Variants in SRPX observed in about 807,000 individuals in gnomAD.
SRPX encodes sushi repeat-containing protein SRPX.
A neutral mutation model predicts 38.1 loss-of-function variants in SRPX; 24 were observed. The ratio of observed to expected loss-of-function variants is 0.63; its 90% CI spans 0.46 to 0.89. The LOEUF (loss-of-function observed/expected upper bound fraction) is 0.89. Ranked by LOEUF, SRPX falls within the 40% of genes least tolerant of loss-of-function variation. The pLI is 0.00. For synonymous variants in SRPX, 184 were observed against 153.8 expected, an observed-to-expected ratio of 1.20 and a Z score of -1.45; for missense variants, 416 against 377.8, an observed-to-expected ratio of 1.10 and a Z score of -0.84.
intron 1 of SRPX, among the ~76,000 whole-genome samples, chrX:38,206,756 T>C (rs1047425928): frequency 6.2e-5 from 7 of 112,149 alleles, no homozygotes; most frequent in Admixed American, 1.9e-4. Flanking sequence ...TGTGAGTCAC[T>C]GTTGTGGGCA....
intron 1 of SRPX, among the ~76,000 whole-genome samples, chrX:38,184,507 T>C (rs1014127495): frequency 1.8e-5 from 2 of 111,957 alleles, no homozygotes; most frequent in Non-Finnish European, 3.8e-5. Flanking sequence ...CTGAGGATCA[T>C]GGCCTACTAC....
chrX:38,209,782 C>T (rs761562869), intron 1 of SRPX, among the ~76,000 whole-genome samples: 2 of 112,445 alleles, frequency 1.8e-5, no homozygotes, highest in Non-Finnish European at 3.8e-5. Flanking sequence ...TTTTAAAGAA[C>T]ACATGTTGGC....
intron 4 of SRPX, among the ~76,000 whole-genome samples, chrX:38,169,024 T>G (rs1938416878): frequency 8.9e-6 from 1 of 111,751 alleles, no homozygotes; most frequent in Non-Finnish European, 1.9e-5. Context: ...AAAGTCAACA[T>G]CTTCACAAGA....
At chrX:38,151,448 A>C (rs1056884000) in intron 9 of SRPX, among the ~76,000 whole-genome samples, 4 of 111,784 alleles carry the variant, frequency 3.6e-5, no homozygotes, top group African/African-American at 1.3e-4. Context: ...CCTGTGGGAA[A>C]GGGTGACCAA....
intron 1 of SRPX, among the ~76,000 whole-genome samples, chrX:38,213,118 T>C (rs911938048): frequency 2.2e-5 from 2 of 90,671 alleles, no homozygotes; most frequent in East Asian, 5.6e-4. Flanking sequence ...AAACACAAAA[T>C]GATAAATACT....
intron 1 of SRPX, among the ~76,000 whole-genome samples, chrX:38,179,551 C>T: frequency 8.9e-6 from 1 of 111,835 alleles, no homozygotes; most frequent in South Asian, 3.8e-4. Context: ...CAGACAAGAA[C>T]ATCCTCCACT....
At chrX:38,179,770 A>G (rs1284272338) in intron 1 of SRPX, among the ~76,000 whole-genome samples, 4 of 111,703 alleles carry the variant, frequency 3.6e-5, no homozygotes, top group African/African-American at 1.3e-4. Context: ...GCACACCCAG[A>G]TGTGTACAAA....
chrX:38,161,726 T>C (rs1013151356), intron 5 of SRPX, among the ~76,000 whole-genome samples: 12 of 112,157 alleles, frequency 1.1e-4, no homozygotes, highest in African/African-American at 3.2e-4. Context: ...GTATTATCTC[T>C]GATTCACAGA....
chrX:38,162,737 C>G (rs1327590780), intron 5 of SRPX, among the ~76,000 whole-genome samples: 1 of 112,555 alleles, frequency 8.9e-6, no homozygotes, highest in Non-Finnish European at 1.9e-5. Context: ...TCACTTGAAC[C>G]TGGGAGGCGG....
intron 9 of SRPX, among the ~76,000 whole-genome samples, chrX:38,152,461 G>A (rs1938034836): frequency 3.6e-5 from 4 of 112,159 alleles, no homozygotes; most frequent in Admixed American, 1.9e-4. Context: ...GGGAGCTCAC[G>A]AGAAATGCAA....
chrX:38,153,659 G>C (rs1489922903), intron 9 of SRPX, among the ~76,000 whole-genome samples: 1 of 111,136 alleles, frequency 9.0e-6, no homozygotes, highest in East Asian at 2.8e-4. Flanking sequence ...GCAAGGTGTG[G>C]CACCTCCAAC....
chrX:38,201,372 A>G (rs1180724276), intron 1 of SRPX, among the ~76,000 whole-genome samples: 1 of 111,001 alleles, frequency 9.0e-6, no homozygotes, highest in Non-Finnish European at 1.9e-5. Context: ...CATGAAAAGG[A>G]TAATGTAATG....
chrX:38,183,735 C>T (rs1446866971), intron 1 of SRPX, among the ~76,000 whole-genome samples: 2 of 111,799 alleles, frequency 1.8e-5, no homozygotes, highest in Admixed American at 1.9e-4. Context: ...TTTATTATGA[C>T]ATAACTATTA....
intron 9 of SRPX, among the ~76,000 whole-genome samples, chrX:38,151,996 C>T (rs1487569613): frequency 4.5e-5 from 5 of 111,316 alleles, no homozygotes; most frequent in African/African-American, 1.6e-4. Context: ...ACCCCAGGCA[C>T]CCAGTCTCTT....
chrX:38,192,698 G>A (rs1938929410), intron 1 of SRPX, among the ~76,000 whole-genome samples: 1 of 112,333 alleles, frequency 8.9e-6, no homozygotes, highest in Non-Finnish European at 1.9e-5. Context: ...AGGCATGTTG[G>A]CCCCTTCCCA....
chrX:38,208,152 G>A (rs866901342), intron 1 of SRPX, among the ~76,000 whole-genome samples: 8 of 111,732 alleles, frequency 7.2e-5, no homozygotes, highest in Admixed American at 9.5e-5. Context: ...ACATACATTT[G>A]TGGGTATTTT....
intron 4 of SRPX, among the ~76,000 whole-genome samples, chrX:38,166,067 G>A (rs1938359459): frequency 8.9e-6 from 1 of 112,243 alleles, no homozygotes; most frequent in African/African-American, 3.2e-5. Context: ...ATTTAAAGAA[G>A]GCATAGCAAA....
In SRPX at chrX:38,210,626, A is replaced by T. The variant is rs770996676; in HGVS notation, c.97+10070T>A. On this transcript the variant is annotated intron_variant, in intron 1 of 9. Coordinates refer to ENST00000378533, the MANE Select transcript of SRPX (RefSeq NM_006307.5). Reference sequence around the variant, plus strand: ...AAAGCCAGTCCACCTCCAGCCTCAGATTAGGACACTGGATCCTAGCCAAGA... The same window carrying T: ...AAAGCCAGTCCACCTCCAGCCTCAGTTTAGGACACTGGATCCTAGCCAAGA... 3.6e-5 allele frequency among the ~76,000 whole-genome samples: 4 copies of T among 112,590 alleles called. No individual in the cohort carries two copies. In the South Asian group the frequency reaches 1.5e-3, roughly 42 times the overall value.
intron 9 of SRPX, 141 bp downstream of exon 9, chrX:38,154,320 TG>T: frequency 1.5e-6 from 1 of 672,237 alleles, no homozygotes; most frequent in Non-Finnish European, 2.2e-6. Flanking sequence ...CTGATTAGTA[TG>T]GTTATAACAC....
Sources: allele counts gnomAD v4.1 joint callset (sites outside exome capture counted in the v4.1 genomes callset), GRCh38; gene constraint gnomAD v4.1.1; transcripts MANE v1.5; gene names NCBI Gene and HGNC (gene_info 2026-07-23, HGNC 2026-07-21).